The following TBC1D24 variants were observed in gnomAD, a reference collection of about 807,000 sequenced individuals.
TBC1D24 encodes Infantile myoclonic epilepsy.
TBC1D24 carries 47 observed loss-of-function variants against 50.7 expected under a neutral mutation model. The ratio of observed to expected loss-of-function variants is 0.93; its 90% CI spans 0.73 to 1.18. The LOEUF (loss-of-function observed/expected upper bound fraction) is 1.18, where lower values mean the gene tolerates loss of function less well. Ranked by LOEUF, TBC1D24 falls within the 50% of genes most tolerant of loss-of-function variation. TBC1D24 has a pLI of 0.00. For missense variants in TBC1D24, 688 were observed against 766.5 expected, an observed-to-expected ratio of 0.90 and a Z score of 1.21; for synonymous variants, 324 against 335.2, an observed-to-expected ratio of 0.97 and a Z score of 0.36.
intron 1 of TBC1D24, among the ~76,000 whole-genome samples, chr16:2,495,057 T>TAAA (rs1421514298): frequency 6.7e-6 from 1 of 148,964 alleles, no homozygotes; most frequent in Non-Finnish European, 1.5e-5. Context: ...ATAATAATAA[T>TAAA]AAACAAAAAA....
Position 2,499,292 on chromosome 16 carries a change from G to C in TBC1D24, c.1143-65G>C. ...CGCCCCAAGACAGCTGGGGCCAGCG[G>C]AGGCTGCAGGAGGCGGCTGGGAGGG... On this transcript the variant is annotated intron_variant, in intron 4 of 7. Transcript: ENST00000646147. The surrounding 1 kb of genome is among the most constrained non-coding windows in gnomAD (Gnocchi z 4.0). 6.8e-7 allele frequency: 1 copy of C among 1,475,460 alleles called. No homozygotes were observed. The highest frequency in any genetic ancestry group is 1.2e-5 in the South Asian group (1 of 85,056). The allele number at this position is 1,475,460 out of a possible 1,614,324, so 91.4% of individuals were successfully genotyped here. A position where few individuals can be genotyped will look rare whatever the true frequency, so the allele number is the denominator to read the frequency against.
In TBC1D24 at chr16:2,490,556, G is replaced by A. The variant is rs931727981; in HGVS notation, c.-115-5478G>A. Among the ~76,000 whole-genome samples the A allele has an allele frequency of 9.8e-5, 15 of 152,346 alleles. No individual in the cohort carries two copies. The East Asian group carries it at 2.9e-3, about 29-fold the overall frequency. On this transcript the variant is annotated intron_variant, in intron 1 of 7. Transcript: ENST00000646147. ...CTGCCTGAACCCGGAGAGAGAGTGGGATAGACTGTTCATGGGGTGTCACCC... is the reference window on the plus strand; with the variant it reads ...CTGCCTGAACCCGGAGAGAGAGTGGAATAGACTGTTCATGGGGTGTCACCC...
Position 2,499,430 on chromosome 16 carries a change from G to A in TBC1D24, c.1206+10G>A. 2 of 1,612,626 alleles carry A rather than the reference G, an allele frequency of 1.2e-6. No individual in the cohort carries two copies. Among genetic ancestry groups the A allele is most frequent in the African/African-American group, 1.3e-5 (1 of 74,996 alleles). ...GACCACGCAGAAGGAGGTGAGCAGG[G>A]GCCCTGGAGCCAGGGCTGGCTCTGA... is the stretch of plus-strand genomic sequence containing the variant. On this transcript the variant is annotated intron_variant, in intron 5 of 7. Coordinates refer to ENST00000646147, the MANE Select transcript of TBC1D24 (RefSeq NM_001199107.2). This position sits in a 1 kb window ranked among gnomAD's most constrained non-coding sequence, Gnocchi z 4.0.
rs949125530 is a variant in TBC1D24 at position 2,485,738 on chromosome 16, G to A, written c.-115-10296G>A. Among the ~76,000 whole-genome samples, 4 of 152,242 alleles carry A rather than the reference G, an allele frequency of 2.6e-5. No homozygotes were observed. Among genetic ancestry groups the A allele is most frequent in the African/African-American group, 7.2e-5 (3 of 41,456 alleles). ...GGACACCCTGCGGGCGCCCGCTGCA[G>A]AATGGATTGCTTGCTGCCGGGAGAA... is the stretch of plus-strand genomic sequence containing the variant. On this transcript the variant is annotated intron_variant, in intron 1 of 7. Transcript: ENST00000646147. This position sits in a 1 kb window ranked among gnomAD's most constrained non-coding sequence, Gnocchi z 4.6.
At chr16:2,478,891 T>C (rs1197853929) in intron 1 of TBC1D24, 1 of 151,342 alleles carries the variant, frequency 6.6e-6, no homozygotes, top group Non-Finnish European at 1.5e-5. Context: ...TTTTCTTTTT[T>C]TTTTTTTTTC....
chr16:2,483,930 ACT>A lies in TBC1D24; in HGVS notation c.-116+8761_-116+8762del, dbSNP rs2065629495. 1 of 152,338 alleles carries A rather than the reference ACT, an allele frequency of 6.6e-6. No homozygotes were observed. Among genetic ancestry groups the A allele is most frequent in the South Asian group, 2.1e-4 (1 of 4,846 alleles). The allele number at this position is 152,338 out of a possible 1,614,324, so 9.4% of individuals were successfully genotyped here. A position where few individuals can be genotyped will look rare whatever the true frequency, so the allele number is the denominator to read the frequency against. On this transcript the variant is annotated intron_variant, in intron 1 of 7. Coordinates refer to ENST00000646147, the MANE Select transcript of TBC1D24 (RefSeq NM_001199107.2). This position sits in a 1 kb window ranked among gnomAD's most constrained non-coding sequence, Gnocchi z 4.0. ...GGCTGTGCTCACCGTGGTTAGTGAC[ACT>A]GTCACCATCCAGCCCCGGTCAGACA... is the stretch of plus-strand genomic sequence containing the variant.
At chr16:2,476,402 A>G (rs187863444) in intron 1 of TBC1D24, among the ~76,000 whole-genome samples, 15 of 152,358 alleles carry the variant, frequency 9.8e-5, no homozygotes, top group East Asian at 5.8e-4. Context: ...AGGAACACAC[A>G]CTGGGAAAAA....
At chr16:2,495,178 T>C (rs2065727131) in intron 1 of TBC1D24, among the ~76,000 whole-genome samples, 1 of 151,784 alleles carries the variant, frequency 6.6e-6, no homozygotes, top group African/African-American at 2.4e-5. Flanking sequence ...CATGGCAAAA[T>C]CTCGTCTCTA....
At position 2,485,837 on chromosome 16, in the gene TBC1D24, T is replaced by C. The variant is rs1195547883; in HGVS notation, c.-115-10197T>C. Among the ~76,000 whole-genome samples, 2 of 152,164 alleles carry C rather than the reference T, an allele frequency of 1.3e-5. No individual in the cohort carries two copies. The highest frequency in any genetic ancestry group is 2.9e-5 in the Non-Finnish European group (2 of 68,020). On this transcript the variant is annotated intron_variant, in intron 1 of 7. Coordinates refer to ENST00000646147, the MANE Select transcript of TBC1D24 (RefSeq NM_001199107.2). This position sits in a 1 kb window ranked among gnomAD's most constrained non-coding sequence, Gnocchi z 4.6. ...CGTCAGAGCAGAGGAAAACGTGGTA[T>C]GAGAGTTTTTCCAAAGAGTCCAGAC...
chr16:2,477,145 CAA>C (rs1245550596), intron 1 of TBC1D24: 4 of 152,262 alleles, frequency 2.6e-5, no homozygotes, highest in African/African-American at 9.6e-5. Context: ...CTTTTCAACT[CAA>C]AGCAGCAATT....
At position 2,496,436 on chromosome 16, in the gene TBC1D24, G is replaced by A; in HGVS notation, c.288G>A (p.Val96=). 2 of 1,612,768 alleles carry A rather than the reference G, an allele frequency of 1.2e-6. No individual in the cohort carries two copies. Among genetic ancestry groups the A allele is most frequent in the Non-Finnish European group, 1.7e-6 (2 of 1,179,970 alleles). ...SSSCLPLPEF[V]DNTQVPSYCL... The stretch of plus-strand genomic sequence containing the variant: ...GCTGCCTGCCGCTGCCCGAGTTCGT[G>A]GACAACACGCAGGTGCCCAGCTACT... The change falls in exon 2 of 8, where the codon GTG becomes GTA. Residue 96 remains valine, a synonymous_variant. Transcript: ENST00000646147.
chr16:2,490,447 G>C (rs1210582711), intron 1 of TBC1D24, among the ~76,000 whole-genome samples: 1 of 152,162 alleles, frequency 6.6e-6, no homozygotes, highest in Non-Finnish European at 1.5e-5. Context: ...GCAGCGATTC[G>C]CTCGGACCCC....
chr16:2,500,669 G>A lies in TBC1D24; in HGVS notation c.1526-135G>A. 1 of 1,356,522 alleles carries A rather than the reference G, an allele frequency of 7.4e-7. No individual in the cohort carries two copies. Among genetic ancestry groups the A allele is most frequent in the Non-Finnish European group, 9.9e-7 (1 of 1,007,008 alleles). 84.0% of individuals were successfully genotyped at this position (1,356,522 alleles called of 1,614,324 possible). On this transcript the variant is annotated intron_variant, in intron 7 of 7. Coordinates refer to ENST00000646147, the MANE Select transcript of TBC1D24 (RefSeq NM_001199107.2). This position sits in a 1 kb window ranked among gnomAD's most constrained non-coding sequence, Gnocchi z 8.0. ...AGACCAGCCTGGACAGCTGGTCCTG[G>A]GGGCTATGGAGGGTCAACGGTCTGT...
chr16:2,496,532 C>G lies in TBC1D24; in HGVS notation c.384C>G (p.Ile128Met), dbSNP rs754479878. Residue 128 changes from isoleucine (I) to methionine (M), a missense_variant, in exon 2 of 8, where the codon ATC (isoleucine) becomes ATG (methionine). By Grantham distance (10) the Ile-to-Met change is conservative. Coordinates refer to ENST00000646147, the MANE Select transcript of TBC1D24 (RefSeq NM_001199107.2). The part of the protein sequence containing the change: ...LLCLANQFPD[I>M]SFCPALPAVV... ...GCCTGGCCAACCAGTTCCCCGACAT[C>G]TCCTTCTGCCCCGCCCTGCCGGCCG... 31 of 1,608,566 alleles carry G rather than the reference C, an allele frequency of 1.9e-5. No homozygotes were observed. Among genetic ancestry groups the G allele is most frequent in the Non-Finnish European group, 1.6e-5 (19 of 1,179,982 alleles).
chr16:2,500,573 G>C lies in TBC1D24; in HGVS notation c.1525+83G>C. The stretch of plus-strand genomic sequence containing the variant: ...TGCTGCACCCAGCCCTCCCTGACCG[G>C]GGTGGCAGAGAAGAGGCCCTGGGTG... On this transcript the variant is annotated intron_variant, in intron 7 of 7. Transcript: ENST00000646147. The surrounding 1 kb of genome is among the most constrained non-coding windows in gnomAD (Gnocchi z 8.0). 6.9e-7 allele frequency: 1 copy of C among 1,443,824 alleles called. No individual in the cohort carries two copies. The allele number at this position is 1,443,824 out of a possible 1,614,324, so 89.4% of individuals were successfully genotyped here.
chr16:2,491,958 C>G (rs2065698617), intron 1 of TBC1D24, among the ~76,000 whole-genome samples: 1 of 152,062 alleles, frequency 6.6e-6, no homozygotes, highest in Non-Finnish European at 1.5e-5. Context: ...CCCCGTTCAG[C>G]CTCCCAAATA....
chr16:2,485,946 G>C lies in TBC1D24; in HGVS notation c.-115-10088G>C, dbSNP rs935551215. 6.6e-6 allele frequency among the ~76,000 whole-genome samples: 1 copy of C among 152,122 alleles called. No individual in the cohort carries two copies. The highest frequency in any genetic ancestry group is 2.1e-4 in the South Asian group (1 of 4,824). On this transcript the variant is annotated intron_variant, in intron 1 of 7. Transcript: ENST00000646147. This position sits in a 1 kb window ranked among gnomAD's most constrained non-coding sequence, Gnocchi z 4.6. ...CTGCTGCCTGTGCCCCAGGGTTTCC[G>C]GGCACTCCGAGCTTCCCTGGCAGGC...
chr16:2,489,557 G>C (rs1190870886), intron 1 of TBC1D24, among the ~76,000 whole-genome samples: 5 of 152,222 alleles, frequency 3.3e-5, no homozygotes, highest in Non-Finnish European at 1.5e-5. Flanking sequence ...AGGCCATGTA[G>C]GTCCCTGGAG....
Position 2,485,300 on chromosome 16 carries a change from G to A in TBC1D24, c.-116+10130G>A, listed in dbSNP as rs1215128713. The A allele has an allele frequency of 3.9e-5, 6 of 152,088 alleles. No individual in the cohort carries two copies. Among genetic ancestry groups the A allele is most frequent in the African/African-American group, 1.2e-4 (5 of 41,384 alleles). The allele number at this position is 152,088 out of a possible 1,614,324, so 9.4% of individuals were successfully genotyped here. On this transcript the variant is annotated intron_variant, in intron 1 of 7. Transcript: ENST00000646147. This position sits in a 1 kb window ranked among gnomAD's most constrained non-coding sequence, Gnocchi z 4.6. ...GCGGGGAGGGGAGAGGTCCAGAGGT[G>A]GAAGGTCAAGTTGATTGCCAGTGGG...
Sources: allele counts gnomAD v4.1 joint callset (sites outside exome capture counted in the v4.1 genomes callset), GRCh38; gene constraint gnomAD v4.1.1; non-coding constraint Gnocchi (gnomAD v3.1); transcripts MANE v1.5; gene names NCBI Gene and HGNC (gene_info 2026-07-23, HGNC 2026-07-21).